Variants in POLR3E observed in about 807,000 individuals in gnomAD.
POLR3E encodes DNA-directed RNA polymerase III subunit RPC5.
In POLR3E, 41 loss-of-function variants were observed where a neutral mutation model predicts 96.6. That is an observed-to-expected ratio of 0.42 (90% CI 0.33 to 0.55). POLR3E has a LOEUF of 0.55. Among genes scored for constraint, POLR3E ranks in the 20% least tolerant of loss-of-function variants. The probability of loss-of-function intolerance (pLI) is 0.06; values close to 1 mark genes in which losing one functional copy is unlikely to be tolerated. For synonymous variants in POLR3E, 396 were observed against 383.6 expected (o/e 1.03, Z -0.38); for missense variants, 849 against 952.1 (o/e 0.89, Z 1.43).
intron 2 of POLR3E, among the ~76,000 whole-genome samples, chr16:22,304,831 G>T (rs778546399): frequency 3.9e-5 from 6 of 152,158 alleles, no homozygotes; most frequent in African/African-American, 9.7e-5. Flanking sequence ...CCTCTCAGAA[G>T]AGCATTTGCC....
intron 6 of POLR3E, chr16:22,309,948 A>G (rs1037574468): frequency 5.9e-6 from 1 of 168,246 alleles, no homozygotes; most frequent in African/African-American, 2.4e-5. Context: ...AGTGGAAACA[A>G]CCCAGATGCC....
In POLR3E at chr16:22,330,063, T is replaced by G. The variant is rs539025275; in HGVS notation, c.1944+1476T>G. ...GAGATAGATATGTTACGCCAGTTTT[T>G]TTTTTTTTTTTGAGATAGATAGCGT... On this transcript the variant is annotated intron_variant, in intron 19 of 20. Transcript: ENST00000299853. Among the ~76,000 whole-genome samples, 121 of 152,202 alleles carry G rather than the reference T, an allele frequency of 7.9e-4. 2 individuals are homozygous for G. The highest frequency in any genetic ancestry group is 2.7e-3 in the African/African-American group (114 of 41,522).
chr16:22,299,410 CT>C (rs34579812), intron 1 of POLR3E, among the ~76,000 whole-genome samples: 17,899 of 117,314 alleles, frequency 0.15, 3,115 homozygotes, highest in African/African-American at 0.48. Flanking sequence ...ATATGATTTA[CT>C]TTTTTTTTTT....
intron 1 of POLR3E, among the ~76,000 whole-genome samples, chr16:22,300,818 T>C (rs2048005898): frequency 6.6e-6 from 1 of 152,242 alleles, no homozygotes; most frequent in African/African-American, 2.4e-5. Context: ...TGTAGCTTCC[T>C]ATTAAATAGC....
chr16:22,305,179 T>C lies in POLR3E; in HGVS notation c.60T>C (p.Ser20=). The stretch of plus-strand genomic sequence containing the variant: ...AGATCGATGTGTACTTGGCCAAGAG[T>C]CTGGCGGAAAAGCTGTATCTATTTC... ...VQEIDVYLAK[S]LAEKLYLFQY... is the part of the protein sequence containing the mutation. Residue 20 remains serine (S), a synonymous_variant, in exon 3 of 21, where the codon AGT becomes AGC. Transcript: ENST00000299853. 1 of 1,613,128 alleles carries C rather than the reference T, an allele frequency of 6.2e-7. No individual in the cohort carries two copies. Among genetic ancestry groups the C allele is most frequent in the African/African-American group, 1.3e-5 (1 of 74,908 alleles).
chr16:22,298,888 T>C (rs561942653), intron 1 of POLR3E: 2 of 441,596 alleles, frequency 4.5e-6, no homozygotes, highest in Admixed American at 2.5e-5. Context: ...CTGGATTTTT[T>C]TTTTAAAGTA....
In POLR3E at chr16:22,322,233, C is replaced by T. The variant is rs537404032; in HGVS notation, c.987-617C>T. Among the ~76,000 whole-genome samples the T allele has an allele frequency of 5.3e-5, 8 of 152,210 alleles. No homozygotes were observed. In the East Asian group the frequency reaches 7.7e-4, roughly 15 times the overall value. Reference sequence around the variant, plus strand: ...GGAGGGACAGTCAGAGCACAGGTGCCGCAGCAGGGGCTGAGCCGGGGTTGC... The same window carrying T: ...GGAGGGACAGTCAGAGCACAGGTGCTGCAGCAGGGGCTGAGCCGGGGTTGC... On this transcript the variant is annotated intron_variant, in intron 13 of 20. Transcript: ENST00000299853. This position sits in a 1 kb window ranked among gnomAD's most constrained non-coding sequence, Gnocchi z 5.2.
chr16:22,312,873 C>CAAAA (rs1167609047), intron 6 of POLR3E, among the ~76,000 whole-genome samples: 13 of 30,380 alleles, frequency 4.3e-4, no homozygotes, highest in East Asian at 2.1e-3. Flanking sequence ...CACTCCATCT[C>CAAAA]AAAAAAAAAA....
At chr16:22,326,485 T>C in intron 18 of POLR3E, 1 of 604,860 alleles carries the variant, frequency 1.7e-6, no homozygotes. Flanking sequence ...AGGACTGTGG[T>C]AGGGGCTAAA....
intron 3 of POLR3E, chr16:22,305,598 G>GT (rs2048118003): frequency 2.4e-6 from 1 of 412,354 alleles, no homozygotes; most frequent in African/African-American, 2.1e-5. Context: ...TGAGTCCACA[G>GT]TGAAGTGTTT....
intron 16 of POLR3E, among the ~76,000 whole-genome samples, chr16:22,324,998 G>T (rs998701593): frequency 2.6e-5 from 4 of 152,048 alleles, no homozygotes; most frequent in African/African-American, 4.8e-5. Flanking sequence ...CTGGGGACCA[G>T]AGGGGTGTTG....
At position 22,324,412 on chromosome 16, in the gene POLR3E, A is replaced by C; in HGVS notation, c.1127A>C (p.Lys376Thr). 6.2e-7 allele frequency: 1 copy of C among 1,612,066 alleles called. No homozygotes were observed. The highest frequency in any genetic ancestry group is 2.2e-5 in the East Asian group (1 of 44,522). The part of the protein sequence containing the change: ...VVRKEVATVT[K>T]LCAEDVKDFL... Reference sequence around the variant, plus strand: ...AGGAAAGAGGTGGCAACCGTGACCAAAGTAAGTGGCGTTTTTGTGGTCTGA... The same window carrying C: ...AGGAAAGAGGTGGCAACCGTGACCACAGTAAGTGGCGTTTTTGTGGTCTGA... Residue 376 changes from lysine to threonine, a missense_variant and splice_region_variant, in exon 15 of 21, where the codon AAA (lysine) becomes ACA (threonine). Physicochemically the swap from Lys to Thr is moderately conservative, Grantham distance 78. Coordinates refer to ENST00000299853, the MANE Select transcript of POLR3E (RefSeq NM_018119.4).
At chr16:22,330,816 A>T (rs970356849) in intron 19 of POLR3E, among the ~76,000 whole-genome samples, 1 of 149,732 alleles carries the variant, frequency 6.7e-6, no homozygotes, top group South Asian at 2.1e-4. Context: ...GAACCATAGC[A>T]AAAAAAAAGG....
At chr16:22,331,451 G>A (rs1373321805) in intron 19 of POLR3E, 1 of 152,142 alleles carries the variant, frequency 6.6e-6, no homozygotes, top group Non-Finnish European at 1.5e-5. Context: ...GTGCCCTGGT[G>A]CGGGTCATTA....
chr16:22,300,073 G>T (rs2967957), intron 1 of POLR3E, among the ~76,000 whole-genome samples: 9 of 152,300 alleles, frequency 5.9e-5, no homozygotes, highest in African/African-American at 2.2e-4. Context: ...GGTATAAGGA[G>T]CCGTAGGGAG....
In POLR3E at chr16:22,316,652, G is replaced by A. The variant is rs776058208; in HGVS notation, c.694G>A (p.Gly232Arg). The change falls in exon 10 of 21, where the codon GGG becomes AGG. Residue 232 changes from glycine (G) to arginine (R), a missense_variant. Coordinates refer to ENST00000299853, the MANE Select transcript of POLR3E (RefSeq NM_018119.4). ...RQYLLCPGSS[G>R]VENTELVKSP... is the part of the protein sequence containing the mutation. ...GTACCTGCTGTGCCCCGGCTCAAGCGGGGTGGAGAACACGGAGCTCGTCAA... is the reference window on the plus strand; with the variant it reads ...GTACCTGCTGTGCCCCGGCTCAAGCAGGGTGGAGAACACGGAGCTCGTCAA... 23 of 1,614,062 alleles carry A rather than the reference G, an allele frequency of 1.4e-5. No homozygotes were observed. Among genetic ancestry groups the A allele is most frequent in the South Asian group, 3.3e-5 (3 of 91,086 alleles).
chr16:22,318,810 C>T lies in POLR3E; in HGVS notation c.866-16C>T. 1 of 1,610,652 alleles carries T rather than the reference C, an allele frequency of 6.2e-7. No individual in the cohort carries two copies. The highest frequency in any genetic ancestry group is 8.5e-7 in the Non-Finnish European group (1 of 1,178,100). On this transcript the variant is annotated splice_polypyrimidine_tract_variant and intron_variant, in intron 12 of 20. Transcript: ENST00000299853. The surrounding 1 kb of genome is among the most constrained non-coding windows in gnomAD (Gnocchi z 5.0). ...GGCCCCTCTTCCTTGTCTGATGTCT[C>T]CTGCGTCCTCCTCAGTGAAGGTCAT...
rs374162910 is a variant in POLR3E at position 22,313,256 on chromosome 16, C to T, written c.365-364C>T. On this transcript the variant is annotated intron_variant, in intron 6 of 20. Coordinates refer to ENST00000299853, the MANE Select transcript of POLR3E (RefSeq NM_018119.4). This position sits in a 1 kb window ranked among gnomAD's most constrained non-coding sequence, Gnocchi z 4.1. ...GGCGGGACAGTAAGGCTGAGCTGGC[C>T]GAGGCCTGGAGGGTAAACAGCAGGG... Among the ~76,000 whole-genome samples the T allele has an allele frequency of 2.4e-3, 370 of 152,204 alleles. 4 individuals carry two copies. In the South Asian group the frequency reaches 0.036, roughly 15 times the overall value.
chr16:22,314,130 T>C lies in POLR3E; in HGVS notation c.522+2T>C. On this transcript the variant is annotated splice_donor_variant, in intron 8 of 20. Coordinates refer to ENST00000299853, the MANE Select transcript of POLR3E (RefSeq NM_018119.4). LOFTEE classifies it high-confidence loss of function. ...GAAGACGATGTTAAGCAGATCACGG[T>C]GAGCCCTGGCCCCTGGAGGAGGAGG... 1 of 1,613,480 alleles carries C rather than the reference T, an allele frequency of 6.2e-7. No individual in the cohort carries two copies. The highest frequency in any genetic ancestry group is 8.5e-7 in the Non-Finnish European group (1 of 1,179,574).
Sources: allele counts gnomAD v4.1 joint callset (sites outside exome capture counted in the v4.1 genomes callset), GRCh38; gene constraint gnomAD v4.1.1; non-coding constraint Gnocchi (gnomAD v3.1); transcripts MANE v1.5; gene names NCBI Gene and HGNC (gene_info 2026-07-23, HGNC 2026-07-21).